RFX4: variants seen among roughly 807,000 people sequenced by gnomAD.
The protein encoded by RFX4 is regulatory factor X4.
RFX4 carries 10 observed loss-of-function variants against 95.0 expected under a neutral mutation model. The observed-to-expected ratio is 0.11, with a 90% CI of 0.06 to 0.18. RFX4 has a LOEUF of 0.18. Ranked by LOEUF, RFX4 falls within the 10% of genes least tolerant of loss-of-function variation. RFX4 has a pLI of 1.00. For missense variants in RFX4, 640 were observed against 922.0 expected (o/e 0.69, Z 3.96); for synonymous variants, 321 against 340.7 (o/e 0.94, Z 0.64).
chr12:106,615,149 C>A (rs1278489135), intron 2 of RFX4, among the ~76,000 whole-genome samples: 1 of 152,072 alleles, frequency 6.6e-6, no homozygotes, highest in East Asian at 1.9e-4. Flanking sequence ...TCATCTGGAA[C>A]TTTTGTGTAT....
intron 15 of RFX4, among the ~76,000 whole-genome samples, chr12:106,734,813 C>T (rs577235461): frequency 1.3e-5 from 2 of 152,108 alleles, no homozygotes; most frequent in African/African-American, 4.8e-5. Context: ...GTAATCCCAA[C>T]ACTTTGGGAG....
At chr12:106,719,933 C>A in intron 11 of RFX4, 27 bp from the exon 12 acceptor site, 4 of 1,549,508 alleles carry the variant, frequency 2.6e-6, no homozygotes, top group Non-Finnish European at 3.6e-6. Flanking sequence ...TGCAGTGATG[C>A]GTGTGGGGTT....
intron 17 of RFX4, among the ~76,000 whole-genome samples, chr12:106,753,917 A>AG (rs2043060809): frequency 2.0e-5 from 3 of 152,180 alleles, no homozygotes; most frequent in Non-Finnish European, 4.4e-5. Flanking sequence ...GGGCCCCCAC[A>AG]AAATGAACCA....
intron 15 of RFX4, among the ~76,000 whole-genome samples, chr12:106,737,130 A>G (rs58750116): frequency 0.01 from 1,215 of 118,516 alleles, 11 homozygotes; most frequent in African/African-American, 0.035. Flanking sequence ...AATTCTATTT[A>G]GGACTGTTTC....
intron 4 of RFX4, among the ~76,000 whole-genome samples, chr12:106,660,590 G>T (rs1003312956): frequency 6.6e-6 from 1 of 152,104 alleles, no homozygotes; most frequent in African/African-American, 2.4e-5. Context: ...TTTGAGAAAA[G>T]AGAACATCTC....
At chr12:106,644,884 A>T (rs1401281513) in intron 3 of RFX4, among the ~76,000 whole-genome samples, 1 of 152,138 alleles carries the variant, frequency 6.6e-6, no homozygotes, top group Non-Finnish European at 1.5e-5. Flanking sequence ...GACAGAGAGG[A>T]GGGCAGGCCC....
intron 7 of RFX4, among the ~76,000 whole-genome samples, chr12:106,694,576 A>G (rs1203874034): frequency 6.6e-6 from 1 of 152,212 alleles, no homozygotes; most frequent in Non-Finnish European, 1.5e-5. Context: ...AGACTGTGGA[A>G]GGACTAAGGC....
At chr12:106,693,144 C>A (rs922545851) in intron 7 of RFX4, 10 of 436,116 alleles carry the variant, frequency 2.3e-5, no homozygotes, top group African/African-American at 6.1e-5. Context: ...GCCTAACTTC[C>A]AAGCCTTAGT....
intron 3 of RFX4, among the ~76,000 whole-genome samples, chr12:106,642,418 C>G (rs2040652910): frequency 6.6e-6 from 1 of 151,940 alleles, no homozygotes; most frequent in Non-Finnish European, 1.5e-5. Flanking sequence ...GAGCTCAAGA[C>G]TAGCCTGGGC....
At chr12:106,600,238 G>C (rs1165315814) in intron 1 of RFX4, among the ~76,000 whole-genome samples, 1 of 152,164 alleles carries the variant, frequency 6.6e-6, no homozygotes, top group Non-Finnish European at 1.5e-5. Context: ...TCTTCTGCCT[G>C]CTTCAAGAAC....
rs1253662400 is a variant in RFX4, at chr12:106,715,128, G to A, written c.994-272G>A. Reference sequence around the variant, plus strand: ...TGTTCCATGGGGTCAAGACCAAAGGGACTGGAAACAGCAGGGTTTGGTCTG... The same window carrying A: ...TGTTCCATGGGGTCAAGACCAAAGGAACTGGAAACAGCAGGGTTTGGTCTG... On this transcript the variant is annotated intron_variant, in intron 10 of 17. Coordinates refer to ENST00000392842, the MANE Select transcript of RFX4 (RefSeq NM_213594.3). The A allele has an allele frequency of 5.9e-5, 19 of 324,120 alleles. No homozygotes were observed. In the East Asian group the frequency reaches 1.0e-3, roughly 17 times the overall value. 20.1% of individuals were successfully genotyped at this position (324,120 alleles called of 1,614,324 possible). A position where few individuals can be genotyped will look rare whatever the true frequency, so the allele number is the denominator to read the frequency against.
At chr12:106,629,295 G>A (rs2040368143) in intron 2 of RFX4, among the ~76,000 whole-genome samples, 1 of 152,134 alleles carries the variant, frequency 6.6e-6, no homozygotes, top group Admixed American at 6.5e-5. Flanking sequence ...AACTTTTGCT[G>A]CTACAGACAA....
At chr12:106,619,566 T>C (rs896449704) in intron 2 of RFX4, among the ~76,000 whole-genome samples, 2 of 152,174 alleles carry the variant, frequency 1.3e-5, no homozygotes, top group Admixed American at 6.5e-5. Flanking sequence ...TGCATAGATA[T>C]GGCTTTCTTG....
rs760127126 is a variant in RFX4, at chr12:106,747,307, A to T, written c.1634-130A>T. On this transcript the variant is annotated intron_variant, in intron 15 of 17. Transcript: ENST00000392842. ...GGGGGATGCCTCTGGTGAGCTCAGC[A>T]GAGTCAGAGATACATGTCTTATAAA... is the stretch of plus-strand genomic sequence containing the variant. The T allele has an allele frequency of 4.2e-4, 396 of 937,870 alleles. 2 individuals carry two copies. The highest frequency in any genetic ancestry group is 5.6e-4 in the East Asian group (23 of 40,864). 58.1% of individuals were successfully genotyped at this position (937,870 alleles called of 1,614,324 possible).
In RFX4 at chr12:106,654,477, A is replaced by C. The variant is rs894296533; in HGVS notation, c.315+126A>C. ...AGTACTTACTTACTTTGGTACTTTG[A>C]CAACTTCAACTTCACTGTAATACTT... On this transcript the variant is annotated intron_variant, in intron 4 of 17. Transcript: ENST00000392842. The C allele has an allele frequency of 1.5e-4, 155 of 1,065,886 alleles. 1 individual carries two copies. The highest frequency in any genetic ancestry group is 1.9e-4 in the Non-Finnish European group (150 of 775,298). 66.0% of individuals were successfully genotyped at this position (1,065,886 alleles called of 1,614,324 possible).
In RFX4 at chr12:106,654,231, G is replaced by A; in HGVS notation, c.195G>A (p.Leu65=). 5.6e-6 allele frequency: 9 copies of A among 1,613,974 alleles called. No individual in the cohort carries two copies. Among genetic ancestry groups the A allele is most frequent in the Non-Finnish European group, 7.6e-6 (9 of 1,179,912 alleles). The change falls in exon 4 of 18, where the codon CTG becomes CTA. Residue 65 remains leucine, a synonymous_variant. Coordinates refer to ENST00000392842, the MANE Select transcript of RFX4 (RefSeq NM_213594.3). ...CATTGGGCGTTTATTTCCCTAGGCTGGAGGAGAACTATGAGATTGCAGAGG... is the reference window on the plus strand; with the variant it reads ...CATTGGGCGTTTATTTCCCTAGGCTAGAGGAGAACTATGAGATTGCAGAGG... ...PHSTPATLQW[L]EENYEIAEGV...
At chr12:106,688,182 G>A (rs763827043) in intron 6 of RFX4, among the ~76,000 whole-genome samples, 4 of 148,072 alleles carry the variant, frequency 2.7e-5, no homozygotes, top group African/African-American at 5.0e-5. Flanking sequence ...CAATTCTCCT[G>A]CCTCAGCCTC....
chr12:106,695,244 T>C (rs2041857932), intron 7 of RFX4, among the ~76,000 whole-genome samples: 3 of 126,608 alleles, frequency 2.4e-5, no homozygotes, highest in Non-Finnish European at 5.2e-5. Context: ...GTATAAAAAT[T>C]CAGTTATGTG....
intron 16 of RFX4, 55 bp from the exon 17 acceptor site, chr12:106,750,600 A>G: frequency 7.3e-7 from 1 of 1,371,628 alleles, no homozygotes; most frequent in Non-Finnish European, 9.5e-7. Context: ...AAAGGTGTCA[A>G]ACTGATCTGT....
Sources: gnomAD v4.1 joint callset for allele counts (sites outside exome capture counted in the v4.1 genomes callset) on GRCh38, gnomAD v4.1.1 for gene constraint, MANE v1.5 for transcripts, NCBI Gene and HGNC (gene_info 2026-07-23, HGNC 2026-07-21) for gene names.